C11orf65: variants seen among roughly 807,000 people sequenced by gnomAD.
C11orf65 encodes the protein chromosome 11 open reading frame 65.
C11orf65 carries 38 observed loss-of-function variants against 35.3 expected under a neutral mutation model. The observed-to-expected ratio is 1.08, with a 90% CI of 0.83 to 1.41. C11orf65 has a LOEUF of 1.41. C11orf65 is among the 40% of genes most tolerant of loss of function. The probability of loss-of-function intolerance (pLI) is 0.00; values close to 1 mark genes in which losing one functional copy is unlikely to be tolerated. For missense variants in C11orf65, 370 were observed against 367.1 expected (o/e 1.01, Z -0.06); for synonymous variants, 105 against 114.4 (o/e 0.92, Z 0.53).
intron 2 of C11orf65, among the ~76,000 whole-genome samples, chr11:108,447,161 T>TA (rs1321652581): frequency 6.6e-6 from 1 of 152,104 alleles, no homozygotes; most frequent in East Asian, 1.9e-4. Context: ...CAAAGGGACT[T>TA]AGACTCCCAC....
At chr11:108,362,089 A>G (rs1246790508) in intron 2 of C11orf65, among the ~76,000 whole-genome samples, 3 of 137,392 alleles carry the variant, frequency 2.2e-5, no homozygotes, top group Non-Finnish European at 4.7e-5. Flanking sequence ...AATGAACTCA[A>G]ACAAATTTAC....
intron 2 of C11orf65, among the ~76,000 whole-genome samples, chr11:108,360,338 T>A (rs1349534887): frequency 6.6e-6 from 1 of 151,816 alleles, no homozygotes; most frequent in African/African-American, 2.4e-5. Flanking sequence ...CAGGACCAGA[T>A]GGATTCACAG....
chr11:108,385,342 G>T (rs1471022601), intron 8 of C11orf65, among the ~76,000 whole-genome samples: 1 of 151,854 alleles, frequency 6.6e-6, no homozygotes, highest in African/African-American at 2.4e-5. Context: ...AAAGTGCTGG[G>T]ATTACAGGTG....
At chr11:108,313,646 G>A (rs1345938617) in intron 6 of C11orf65, among the ~76,000 whole-genome samples, 4 of 152,082 alleles carry the variant, frequency 2.6e-5, no homozygotes, top group Non-Finnish European at 5.9e-5. Flanking sequence ...TCTCTACTGA[G>A]TTTTTGGAAT....
intron 3 of C11orf65, among the ~76,000 whole-genome samples, chr11:108,427,848 T>TG (rs2092928200): frequency 8.9e-6 from 1 of 112,430 alleles, no homozygotes; most frequent in African/African-American, 3.3e-5. Context: ...TTTTTTTTTT[T>TG]GAGACAGAGT....
At chr11:108,397,952 G>C (rs2092357197) in intron 6 of C11orf65, among the ~76,000 whole-genome samples, 1 of 152,142 alleles carries the variant, frequency 6.6e-6, no homozygotes, top group East Asian at 1.9e-4. Flanking sequence ...GTATATAAAA[G>C]ATCCATGGGG....
chr11:108,427,396 A>G (rs1292489009), intron 3 of C11orf65, among the ~76,000 whole-genome samples: 1 of 150,650 alleles, frequency 6.6e-6, no homozygotes, highest in African/African-American at 2.4e-5. Flanking sequence ...ATGCTTCTCA[A>G]AAGAAGACAA....
rs2093481997 is a variant in C11orf65 at position 108,462,283 on chromosome 11, G to A, written c.-9-715C>T. 5.9e-5 allele frequency among the ~76,000 whole-genome samples: 9 copies of A among 152,254 alleles called. No individual in the cohort carries two copies. In the South Asian group the frequency reaches 1.7e-3, roughly 28 times the overall value. On this transcript the variant is annotated intron_variant, in intron 1 of 8. Transcript: ENST00000393084. ...TGGTCTTGAATTCTTGTACTCAAGC[G>A]ATCCTCCCACCTCTGCCTCTGAAAG...
intron 6 of C11orf65, among the ~76,000 whole-genome samples, chr11:108,313,837 T>C (rs2084375991): frequency 6.6e-6 from 1 of 152,230 alleles, no homozygotes; most frequent in Non-Finnish European, 1.5e-5. Flanking sequence ...TTCAATTGCT[T>C]GATCAATTTT....
At chr11:108,343,798 A>AAAC (rs907536224) in intron 2 of C11orf65, among the ~76,000 whole-genome samples, 9 of 152,116 alleles carry the variant, frequency 5.9e-5, no homozygotes, top group East Asian at 3.9e-4. Context: ...CAAACACAGT[A>AAAC]AACAACAACA....
intron 3 of C11orf65, among the ~76,000 whole-genome samples, chr11:108,415,660 T>G (rs897885113): frequency 2.0e-5 from 3 of 152,184 alleles, no homozygotes; most frequent in Admixed American, 6.5e-5. Flanking sequence ...CACTATAATA[T>G]TTCAGGTGAA....
At chr11:108,455,815 C>CAAAAAAA (rs112701513) in intron 2 of C11orf65, among the ~76,000 whole-genome samples, 4 of 56,184 alleles carry the variant, frequency 7.1e-5, no homozygotes, top group East Asian at 5.5e-4. Flanking sequence ...GACTCCACCT[C>CAAAAAAA]AAAAAAAAAA....
chr11:108,443,758 T>C (rs2093201589), intron 2 of C11orf65, among the ~76,000 whole-genome samples: 1 of 152,082 alleles, frequency 6.6e-6, no homozygotes, highest in Non-Finnish European at 1.5e-5. Flanking sequence ...ATAAAGATGT[T>C]CTTTGAAACC....
At chr11:108,449,696 T>A (rs2093319591) in intron 2 of C11orf65, among the ~76,000 whole-genome samples, 1 of 151,974 alleles carries the variant, frequency 6.6e-6, no homozygotes, top group Admixed American at 6.6e-5. Context: ...GAAGAAAACC[T>A]AGGCAATACC....
At chr11:108,361,588 A>G (rs908334255) in intron 2 of C11orf65, among the ~76,000 whole-genome samples, 40 of 152,102 alleles carry the variant, frequency 2.6e-4, no homozygotes, top group African/African-American at 9.2e-4. Context: ...TGGTACTGGT[A>G]CCAAAACAGA....
intron 7 of C11orf65, among the ~76,000 whole-genome samples, chr11:108,387,559 G>A (rs748646803): frequency 7.2e-5 from 11 of 151,934 alleles, no homozygotes; most frequent in African/African-American, 1.9e-4. Context: ...ACAAGGTCTC[G>A]CTCTGTCTCC....
intron 2 of C11orf65, among the ~76,000 whole-genome samples, chr11:108,452,602 AGGATC>A (rs2093362890): frequency 6.6e-6 from 1 of 152,224 alleles, no homozygotes; most frequent in South Asian, 2.1e-4. Flanking sequence ...CAATTCCTCA[AGGATC>A]TAGAACCAGA....
chr11:108,363,056 ATC>A (rs1372436860), intron 2 of C11orf65, among the ~76,000 whole-genome samples: 1 of 152,162 alleles, frequency 6.6e-6, no homozygotes, highest in Non-Finnish European at 1.5e-5. Flanking sequence ...CCCTCCGTAA[ATC>A]TGTCCGAATT....
At chr11:108,451,112 C>T (rs2093342023) in intron 2 of C11orf65, among the ~76,000 whole-genome samples, 1 of 151,922 alleles carries the variant, frequency 6.6e-6, no homozygotes. Flanking sequence ...CAGGGATGCC[C>T]TCTCTCACCA....
Sources: allele counts gnomAD v4.1 joint callset (sites outside exome capture counted in the v4.1 genomes callset), GRCh38; gene constraint gnomAD v4.1.1; transcripts MANE v1.5; gene names NCBI Gene and HGNC (gene_info 2026-07-23, HGNC 2026-07-21).